The following LRRFIP1 variants were observed in gnomAD, a reference collection of about 807,000 sequenced individuals.
The protein encoded by LRRFIP1 is leucine-rich repeat flightless-interacting protein 1.
In LRRFIP1, 62 loss-of-function variants were observed where a neutral mutation model predicts 104.4. That is an observed-to-expected ratio of 0.59 (90% CI 0.48 to 0.73). The LOEUF (loss-of-function observed/expected upper bound fraction) is 0.73. LRRFIP1 is among the 30% of genes least tolerant of loss of function. The probability of loss-of-function intolerance (pLI) is 0.00; values close to 1 mark genes in which losing one functional copy is unlikely to be tolerated. For missense variants in LRRFIP1, 796 were observed against 824.5 expected (o/e 0.97, Z 0.42); for synonymous variants, 300 against 299.0 (o/e 1.00, Z -0.03).
intron 1 of LRRFIP1, among the ~76,000 whole-genome samples, chr2:237,631,586 G>A (rs1181551113): frequency 6.6e-6 from 1 of 152,204 alleles, no homozygotes; most frequent in Non-Finnish European, 1.5e-5. Context: ...AAAGGCATGA[G>A]CTGCGCCTCC....
At position 237,627,754 on chromosome 2, in the gene LRRFIP1, G is replaced by T; in HGVS notation, c.96+14G>T. The T allele has an allele frequency of 8.1e-7, 1 of 1,233,216 alleles. No homozygotes were observed. Among genetic ancestry groups the T allele is most frequent in the Non-Finnish European group, 1.0e-6 (1 of 981,958 alleles). 76.4% of individuals were successfully genotyped at this position (1,233,216 alleles called of 1,614,324 possible). A position where few individuals can be genotyped will look rare whatever the true frequency, so the allele number is the denominator to read the frequency against. On this transcript the variant is annotated intron_variant, in intron 1 of 23. Transcript: ENST00000308482. ...ATCGCGCGGGAGGTGAGCGCTCCGG[G>T]AGGGCAGCCGGGGGGCGCCGGGCGG... is the stretch of plus-strand genomic sequence containing the variant.
chr2:237,772,873 C>T lies in LRRFIP1; in HGVS notation c.1635C>T (p.Ala545=), dbSNP rs1576435360. 2.5e-6 allele frequency: 4 copies of T among 1,612,880 alleles called. No homozygotes were observed. The South Asian group carries it at 3.3e-5, about 13-fold the overall frequency. The stretch of plus-strand genomic sequence containing the variant: ...TTCTCTTTCAACCTTTAGGGGATGC[C>T]AACAGACAGATCAGCGACCTCAAAT... ...DMHVMDLQRD[A]NRQISDLKFK... is the part of the protein sequence containing the mutation. Residue 545 remains alanine, a synonymous_variant, in exon 22 of 24, where the codon GCC becomes GCT. Coordinates refer to ENST00000308482, the MANE Select transcript of LRRFIP1 (RefSeq NM_001137550.2).
At chr2:237,758,679 G>C (rs1427441814) in intron 17 of LRRFIP1, 50 bp from the exon 18 acceptor site, 1 of 1,300,072 alleles carries the variant, frequency 7.7e-7, no homozygotes, top group Non-Finnish European at 1.1e-6. Context: ...GAAGTAACTT[G>C]CTCATCTGTG....
chr2:237,661,625 T>G lies in LRRFIP1; in HGVS notation c.96+33885T>G, dbSNP rs1261881991. Among the ~76,000 whole-genome samples, 1 of 152,208 alleles carries G rather than the reference T, an allele frequency of 6.6e-6. No individual in the cohort carries two copies. The highest frequency in any genetic ancestry group is 2.4e-5 in the African/African-American group (1 of 41,452). Reference sequence around the variant, plus strand: ...CTTGTCCTCACTGTCGATGGAATTTTTCAGTGATACCTAACATCTGTCCCA... The same window carrying G: ...CTTGTCCTCACTGTCGATGGAATTTGTCAGTGATACCTAACATCTGTCCCA... On this transcript the variant is annotated intron_variant, in intron 1 of 23. Transcript: ENST00000308482. The surrounding 1 kb of genome is among the most constrained non-coding windows in gnomAD (Gnocchi z 4.4).
At chr2:237,760,022 A>G in intron 18 of LRRFIP1, 42 bp from the exon 19 acceptor site, 1 of 1,588,928 alleles carries the variant, frequency 6.3e-7, no homozygotes, top group Non-Finnish European at 8.6e-7. Context: ...TTAACCTAAT[A>G]TCACTGAGTA....
intron 17 of LRRFIP1, 96 bp from the exon 18 acceptor site, chr2:237,758,633 T>G: frequency 1.3e-6 from 1 of 778,786 alleles, no homozygotes; most frequent in Non-Finnish European, 2.2e-6. Flanking sequence ...CACTAGTGTT[T>G]TAGATGGTAG....
chr2:237,631,820 C>T (rs753702261), intron 1 of LRRFIP1, among the ~76,000 whole-genome samples: 1 of 152,242 alleles, frequency 6.6e-6, no homozygotes, highest in South Asian at 2.1e-4. Context: ...AGGAACTCAC[C>T]GTGGGGCCTT....
intron 2 of LRRFIP1, among the ~76,000 whole-genome samples, chr2:237,713,026 C>T (rs2094173249): frequency 6.6e-6 from 1 of 152,072 alleles, no homozygotes; most frequent in African/African-American, 2.4e-5. Context: ...AGCCATCCCA[C>T]CTGCATGCAG....
At chr2:237,719,229 A>G (rs1269928571) in intron 4 of LRRFIP1, among the ~76,000 whole-genome samples, 1 of 152,260 alleles carries the variant, frequency 6.6e-6, no homozygotes, top group Non-Finnish European at 1.5e-5. Flanking sequence ...TAAATGGATC[A>G]GATGATAGAG....
intron 1 of LRRFIP1, among the ~76,000 whole-genome samples, chr2:237,638,000 T>G (rs1183491727): frequency 6.6e-6 from 1 of 152,180 alleles, no homozygotes; most frequent in African/African-American, 2.4e-5. Flanking sequence ...GCCCCCAATC[T>G]TTTTGGCACC....
chr2:237,668,905 C>T lies in LRRFIP1; in HGVS notation c.97-39639C>T, dbSNP rs80172202. Among the ~76,000 whole-genome samples, 577 of 152,218 alleles carry T rather than the reference C, an allele frequency of 3.8e-3. 36 individuals are homozygous for T. The East Asian group carries it at 0.099, about 26-fold the overall frequency. On this transcript the variant is annotated intron_variant, in intron 1 of 23. Coordinates refer to ENST00000308482, the MANE Select transcript of LRRFIP1 (RefSeq NM_001137550.2). ...CCTCATACTTGACCAAGCACAATAC[C>T]TGTTAACATTTTGTTTATTTTTCTC... is the stretch of plus-strand genomic sequence containing the variant.
chr2:237,772,429 C>T (rs1399976591), intron 21 of LRRFIP1: 2 of 496,390 alleles, frequency 4.0e-6, no homozygotes, highest in Non-Finnish European at 3.6e-6. Flanking sequence ...GATACCACCA[C>T]ATGTTGTGCC....
intron 22 of LRRFIP1, 66 bp downstream of exon 22, chr2:237,773,011 T>C: frequency 1.5e-6 from 2 of 1,369,970 alleles, no homozygotes; most frequent in Non-Finnish European, 2.1e-6. Flanking sequence ...GAAATAGCCC[T>C]GAAAGGCTGA....
In LRRFIP1 at chr2:237,763,979, C is replaced by T. The variant is rs752149958; in HGVS notation, c.1459+3774C>T. On this transcript the variant is annotated intron_variant, in intron 19 of 23. Transcript: ENST00000308482. ...AGAGAGGTGTGAGATGTCAGAACAT[C>T]CAAGTCAGACCGTCAGGAAAGCTTT... 1.9e-5 allele frequency: 30 copies of T among 1,614,064 alleles called. No homozygotes were observed. Among genetic ancestry groups the T allele is most frequent in the Non-Finnish European group, 2.5e-5 (29 of 1,180,044 alleles).
rs1376980272 is a variant in LRRFIP1 at position 237,781,212 on chromosome 2, C to T, written c.*1680C>T. ...AAATGTCTATGTCATGCGTGAATAA[C>T]ACCAGCAGCAAACACTCACACATCA... On this transcript the variant is annotated 3_prime_UTR_variant, in exon 24 of 24. Coordinates refer to ENST00000308482, the MANE Select transcript of LRRFIP1 (RefSeq NM_001137550.2). Among the ~76,000 whole-genome samples, 1 of 152,234 alleles carries T rather than the reference C, an allele frequency of 6.6e-6. No individual in the cohort carries two copies. Among genetic ancestry groups the T allele is most frequent in the Non-Finnish European group, 1.5e-5 (1 of 68,044 alleles).
chr2:237,730,213 T>G (rs984490839), intron 8 of LRRFIP1, among the ~76,000 whole-genome samples: 3 of 152,236 alleles, frequency 2.0e-5, no homozygotes, highest in African/African-American at 7.2e-5. Flanking sequence ...GAAGAGTACA[T>G]GCAAACTTTG....
rs971470830 is a variant in LRRFIP1, at chr2:237,766,249, A to G, written c.1460-3694A>G. On this transcript the variant is annotated intron_variant, in intron 19 of 23. Transcript: ENST00000308482. This position sits in a 1 kb window ranked among gnomAD's most constrained non-coding sequence, Gnocchi z 4.8. ...TTACAGTGTTTTGAAGAGCAGGATG[A>G]AAACGGCAAAAACCTTGACTGTTTC... Among the ~76,000 whole-genome samples, 4 of 152,232 alleles carry G rather than the reference A, an allele frequency of 2.6e-5. No individual in the cohort carries two copies. Among genetic ancestry groups the G allele is most frequent in the South Asian group, 2.1e-4 (1 of 4,836 alleles).
Position 237,749,278 on chromosome 2 carries a change from ACACCTC to A in LRRFIP1, c.752_757del (p.Thr251_Ser252del). The A allele has an allele frequency of 6.2e-7, 1 of 1,613,760 alleles. No homozygotes were observed. Among genetic ancestry groups the A allele is most frequent in the East Asian group, 2.2e-5 (1 of 44,878 alleles). ...ACTTCCTCTCGGAGAGGCAGCGGAG[ACACCTC>A]CATCTCCATCGACACCGAGGCATCC... On this transcript the variant is annotated inframe_deletion, in exon 13 of 24. Coordinates refer to ENST00000308482, the MANE Select transcript of LRRFIP1 (RefSeq NM_001137550.2).
intron 1 of LRRFIP1, among the ~76,000 whole-genome samples, chr2:237,682,855 A>G (rs145820561): frequency 1.2e-3 from 188 of 152,358 alleles, no homozygotes; most frequent in African/African-American, 4.4e-3. Flanking sequence ...CTTTCTGTGC[A>G]TGCTTTGCTG....
Sources: allele counts gnomAD v4.1 joint callset (sites outside exome capture counted in the v4.1 genomes callset), GRCh38; gene constraint gnomAD v4.1.1; non-coding constraint Gnocchi (gnomAD v3.1); transcripts MANE v1.5; gene names NCBI Gene and HGNC (gene_info 2026-07-23, HGNC 2026-07-21).